Variants in KAZN observed in about 807,000 individuals in gnomAD.
KAZN encodes kazrin, periplakin interacting protein, also known as kazrin.
A neutral mutation model predicts 87.4 loss-of-function variants in KAZN; 40 were observed. That is an observed-to-expected ratio of 0.46 (90% CI 0.36 to 0.60). KAZN has a LOEUF of 0.60. KAZN is among the 20% of genes least tolerant of loss of function. The pLI is 0.00. For missense variants in KAZN, 898 were observed against 1,073.9 expected (o/e 0.84, Z 2.29); for synonymous variants, 466 against 458.3 (o/e 1.02, Z -0.22).
At chr1:14,405,829 G>A (rs12026045) in intron 2 of KAZN, among the ~76,000 whole-genome samples, 22,032 of 151,966 alleles carry the variant, frequency 0.14, 1,728 homozygotes, top group East Asian at 0.23. Context: ...CGGTGTGAAA[G>A]CAGTCAGGCA....
At chr1:15,103,250 G>A in intron 11 of KAZN, 109 bp from the exon 12 acceptor site, 1 of 771,248 alleles carries the variant, frequency 1.3e-6, no homozygotes, top group Non-Finnish European at 2.2e-6. Flanking sequence ...CTGGGCAGCA[G>A]AGAGAGACTC....
chr1:14,362,819 A>C (rs1242297033), intron 2 of KAZN, among the ~76,000 whole-genome samples: 1 of 152,200 alleles, frequency 6.6e-6, no homozygotes, highest in African/African-American at 2.4e-5. Flanking sequence ...TTTGACTCCA[A>C]GGGGTATATT....
At chr1:14,231,153 T>G (rs1647788584) in intron 2 of KAZN, among the ~76,000 whole-genome samples, 1 of 152,222 alleles carries the variant, frequency 6.6e-6, no homozygotes, top group Admixed American at 6.5e-5. Context: ...ATTATTAGTT[T>G]CTTATTTGGT....
At chr1:15,009,747 A>T (rs980183847) in intron 2 of KAZN, among the ~76,000 whole-genome samples, 21 of 152,226 alleles carry the variant, frequency 1.4e-4, no homozygotes, top group African/African-American at 5.1e-4. Flanking sequence ...TTTTTGTTAC[A>T]TACAGAAGTG....
chr1:14,133,960 C>T (rs78029843), intron 1 of KAZN, among the ~76,000 whole-genome samples: 10 of 152,158 alleles, frequency 6.6e-5, no homozygotes, highest in African/African-American at 9.7e-5. Flanking sequence ...TCATAGGGGA[C>T]GACACAGTTC....
At position 14,604,975 on chromosome 1, in the gene KAZN, G is replaced by A. The variant is rs931919314; in HGVS notation, c.226+5752G>A. Among the ~76,000 whole-genome samples, 7 of 152,162 alleles carry A rather than the reference G, an allele frequency of 4.6e-5. 1 individual carries two copies. Among genetic ancestry groups the A allele is most frequent in the African/African-American group, 1.7e-4 (7 of 41,434 alleles). On this transcript the variant is annotated intron_variant, in intron 1 of 14. Transcript: ENST00000376030. ...CAGCAAGCGCTATGTTACCTTTGTG[G>A]GGATGTAAAGGCCTTCCATTCCCAA...
intron 2 of KAZN, among the ~76,000 whole-genome samples, chr1:14,481,323 G>A (rs1290942000): frequency 6.6e-6 from 1 of 152,100 alleles, no homozygotes; most frequent in Admixed American, 6.5e-5. Flanking sequence ...TAAAGCACTG[G>A]ACATATAATA....
At chr1:14,086,167 C>CT (rs777156169) in intron 1 of KAZN, among the ~76,000 whole-genome samples, 2 of 151,230 alleles carry the variant, frequency 1.3e-5, no homozygotes, top group Non-Finnish European at 2.9e-5. Flanking sequence ...ATCAAATATA[C>CT]ATCTTGCAAA....
At chr1:14,374,608 G>T (rs1372673749) in intron 2 of KAZN, among the ~76,000 whole-genome samples, 1 of 152,062 alleles carries the variant, frequency 6.6e-6, no homozygotes, top group Non-Finnish European at 1.5e-5. Context: ...CTCTAGTGAT[G>T]ATCAAAGTTC....
intron 1 of KAZN, among the ~76,000 whole-genome samples, chr1:14,877,022 A>G (rs1652841118): frequency 6.6e-6 from 1 of 152,210 alleles, no homozygotes; most frequent in South Asian, 2.1e-4. Flanking sequence ...TGCAAAAGCT[A>G]CTGGTTCTGG....
intron 2 of KAZN, among the ~76,000 whole-genome samples, chr1:15,000,296 G>T (rs1273015167): frequency 6.6e-6 from 1 of 151,836 alleles, no homozygotes; most frequent in African/African-American, 2.4e-5. Context: ...ATAGCCTCCG[G>T]TGGGAGCCTG....
At chr1:15,014,131 G>T (rs1198264615) in intron 2 of KAZN, among the ~76,000 whole-genome samples, 3 of 152,054 alleles carry the variant, frequency 2.0e-5, no homozygotes, top group Non-Finnish European at 4.4e-5. Context: ...TTCTGCCCTT[G>T]GTCCTTCTGA....
At chr1:14,926,796 GC>G (rs1292599066) in intron 1 of KAZN, among the ~76,000 whole-genome samples, 49 of 152,326 alleles carry the variant, frequency 3.2e-4, no homozygotes, top group African/African-American at 1.1e-3. Context: ...TCGAATCTCA[GC>G]ACTTGATCCC....
chr1:14,815,686 C>A (rs1646541397), intron 1 of KAZN, among the ~76,000 whole-genome samples: 1 of 152,170 alleles, frequency 6.6e-6, no homozygotes, highest in Non-Finnish European at 1.5e-5. Context: ...TTCCCAGGTG[C>A]CCACAAACCT....
chr1:14,975,883 T>G (rs1402121361), intron 2 of KAZN, among the ~76,000 whole-genome samples: 1 of 151,962 alleles, frequency 6.6e-6, no homozygotes, highest in Non-Finnish European at 1.5e-5. Context: ...TACAAAAAAA[T>G]TAACTGGGCG....
chr1:14,533,606 G>C (rs528271525), intron 2 of KAZN, among the ~76,000 whole-genome samples: 9 of 152,198 alleles, frequency 5.9e-5, no homozygotes, highest in African/African-American at 2.2e-4. Context: ...AATTTTATCT[G>C]GCTGCACTGT....
At chr1:15,064,085 G>A (rs1639034006) in intron 7 of KAZN, among the ~76,000 whole-genome samples, 1 of 152,248 alleles carries the variant, frequency 6.6e-6, no homozygotes, top group African/African-American at 2.4e-5. Flanking sequence ...TTATTGAAAA[G>A]CTCATAGCCC....
At chr1:14,407,285 A>G (rs148306081) in intron 2 of KAZN, among the ~76,000 whole-genome samples, 93 of 152,306 alleles carry the variant, frequency 6.1e-4, no homozygotes, top group African/African-American at 2.0e-3. Flanking sequence ...GTCATAGGAT[A>G]GACAAGTATT....
intron 1 of KAZN, among the ~76,000 whole-genome samples, chr1:14,890,840 C>T (rs1033047578): frequency 5.3e-4 from 37 of 69,666 alleles, no homozygotes; most frequent in African/African-American, 9.1e-4. Flanking sequence ...GGAATCTGGA[C>T]TTTTTTTTTT....
Sources: allele counts gnomAD v4.1 joint callset (sites outside exome capture counted in the v4.1 genomes callset), GRCh38; gene constraint gnomAD v4.1.1; transcripts MANE v1.5; gene names NCBI Gene and HGNC (gene_info 2026-07-23, HGNC 2026-07-21).